Variants in RCAN2 observed in about 807,000 individuals in gnomAD.
The protein encoded by RCAN2 is regulator of calcineurin 2, also known as calcipressin-2.
A neutral mutation model predicts 23.6 loss-of-function variants in RCAN2; 9 were observed. The observed-to-expected ratio is 0.38, with a 90% CI of 0.23 to 0.67. The LOEUF is 0.67. Ranked by LOEUF, RCAN2 falls within the 30% of genes least tolerant of loss-of-function variation. The probability of loss-of-function intolerance (pLI) is 0.51; values close to 1 mark genes in which losing one functional copy is unlikely to be tolerated. For missense variants in RCAN2, 273 were observed against 302.3 expected, an observed-to-expected ratio of 0.90 and a Z score of 0.72; for synonymous variants, 109 against 115.7, an observed-to-expected ratio of 0.94 and a Z score of 0.37.
At chr6:46,272,482 T>C (rs1026054772) in intron 2 of RCAN2, among the ~76,000 whole-genome samples, 12 of 152,322 alleles carry the variant, frequency 7.9e-5, no homozygotes, top group Middle Eastern at 3.4e-3. Flanking sequence ...GACTTAATCC[T>C]GTTAGGTGGT....
intron 2 of RCAN2, among the ~76,000 whole-genome samples, chr6:46,312,367 C>T (rs1274324405): frequency 6.6e-6 from 1 of 152,158 alleles, no homozygotes; most frequent in African/African-American, 2.4e-5. Context: ...CATTTAACAT[C>T]ACTGAATTTC....
intron 2 of RCAN2, among the ~76,000 whole-genome samples, chr6:46,347,415 G>A (rs1561869071): frequency 1.3e-5 from 2 of 152,036 alleles, no homozygotes; most frequent in Non-Finnish European, 2.9e-5. Flanking sequence ...CTTTACATTA[G>A]GACACAATGT....
intron 2 of RCAN2, among the ~76,000 whole-genome samples, chr6:46,312,270 A>C (rs1279412122): frequency 6.6e-6 from 1 of 152,148 alleles, no homozygotes; most frequent in Non-Finnish European, 1.5e-5. Context: ...GCCCCTATGA[A>C]AATATTTTAG....
chr6:46,331,360 GTT>G (rs1486066880), intron 2 of RCAN2, among the ~76,000 whole-genome samples: 1 of 151,922 alleles, frequency 6.6e-6, no homozygotes, highest in Non-Finnish European at 1.5e-5. Flanking sequence ...ATCACTGAGG[GTT>G]TTTTCATTTT....
chr6:46,335,806 T>A (rs1764121999), intron 2 of RCAN2, among the ~76,000 whole-genome samples: 1 of 152,234 alleles, frequency 6.6e-6, no homozygotes, highest in Non-Finnish European at 1.5e-5. Context: ...TAGAATGTCA[T>A]ATTTATTAAC....
chr6:46,440,005 A>G (rs566018859), intron 2 of RCAN2, among the ~76,000 whole-genome samples: 7 of 152,332 alleles, frequency 4.6e-5, no homozygotes, highest in East Asian at 1.9e-4. Context: ...TTGACGGAAC[A>G]TAATATCAAC....
chr6:46,469,012 T>A (rs1259718026), intron 1 of RCAN2, among the ~76,000 whole-genome samples: 1 of 152,244 alleles, frequency 6.6e-6, no homozygotes, highest in Non-Finnish European at 1.5e-5. Flanking sequence ...TATATCCATT[T>A]ATTGAAGACG....
chr6:46,411,242 T>C (rs550035887), intron 2 of RCAN2, among the ~76,000 whole-genome samples: 9 of 152,256 alleles, frequency 5.9e-5, no homozygotes, highest in African/African-American at 1.9e-4. Context: ...CTGAAGACAT[T>C]ATGCTAAGTG....
intron 2 of RCAN2, among the ~76,000 whole-genome samples, chr6:46,425,188 T>C (rs1767000116): frequency 6.6e-6 from 1 of 152,190 alleles, no homozygotes; most frequent in African/African-American, 2.4e-5. Flanking sequence ...CTTTTAAAAA[T>C]TATTGAGGAC....
At chr6:46,245,439 A>G (rs1286817163) in intron 4 of RCAN2, among the ~76,000 whole-genome samples, 1 of 152,154 alleles carries the variant, frequency 6.6e-6, no homozygotes. Flanking sequence ...TTCTGATTTT[A>G]GCAGTGAAGG....
chr6:46,437,811 A>G (rs1283443726), intron 2 of RCAN2, among the ~76,000 whole-genome samples: 2 of 152,188 alleles, frequency 1.3e-5, no homozygotes, highest in Non-Finnish European at 2.9e-5. Context: ...CAAAAAAAGC[A>G]TGGAGCTGCC....
In RCAN2 at chr6:46,259,598, C is replaced by A. The variant is rs1018233323; in HGVS notation, c.226-10702G>T. Among the ~76,000 whole-genome samples the A allele has an allele frequency of 1.2e-4, 19 of 152,198 alleles. 1 individual carries two copies. The highest frequency in any genetic ancestry group is 9.8e-4 in the Admixed American group (15 of 15,284). On this transcript the variant is annotated intron_variant, in intron 2 of 4. Coordinates refer to ENST00000371374, the MANE Select transcript of RCAN2 (RefSeq NM_001251974.2). ...AGTTTTTCTCACAGCAAGCAATTCT[C>A]CAGTTCTCTGTAGACACCCACTGGA...
At chr6:46,263,732 T>TAAAA (rs55819293) in intron 2 of RCAN2, among the ~76,000 whole-genome samples, 51 of 145,518 alleles carry the variant, frequency 3.5e-4, no homozygotes, top group Admixed American at 1.3e-3. Flanking sequence ...ATGTTGTTTC[T>TAAAA]AAAAAAAAAA....
chr6:46,225,578 C>T (rs1308644833), intron 4 of RCAN2, among the ~76,000 whole-genome samples: 1 of 152,296 alleles, frequency 6.6e-6, no homozygotes, highest in Non-Finnish European at 1.5e-5. Context: ...GCATAAATGT[C>T]ATCTTTTGAG....
At chr6:46,322,289 C>T (rs1487515469) in intron 2 of RCAN2, among the ~76,000 whole-genome samples, 2 of 152,198 alleles carry the variant, frequency 1.3e-5, no homozygotes, top group African/African-American at 4.8e-5. Flanking sequence ...ATTGAGGGCT[C>T]TCAACTTCTA....
In RCAN2 at chr6:46,378,372, C is replaced by G. The variant is rs915135431; in HGVS notation, c.225+78380G>C. 2.6e-5 allele frequency among the ~76,000 whole-genome samples: 4 copies of G among 152,260 alleles called. No homozygotes were observed. In the South Asian group the frequency reaches 8.3e-4, roughly 32 times the overall value. On this transcript the variant is annotated intron_variant, in intron 2 of 4. Transcript: ENST00000371374. ...TTAGCAAAGCTTATGAATACCTGGT[C>G]CAATGTCTAAATCACTCAAAAGATG...
intron 2 of RCAN2, among the ~76,000 whole-genome samples, chr6:46,272,598 T>C (rs912886545): frequency 1.3e-5 from 2 of 152,206 alleles, no homozygotes; most frequent in Non-Finnish European, 2.9e-5. Flanking sequence ...AACAAAACAA[T>C]TGGAAAAAGA....
intron 2 of RCAN2, among the ~76,000 whole-genome samples, chr6:46,412,936 G>A (rs1387024589): frequency 6.6e-6 from 1 of 152,182 alleles, no homozygotes; most frequent in South Asian, 2.1e-4. Flanking sequence ...AATTCACTTA[G>A]AGCCATGTGA....
intron 2 of RCAN2, among the ~76,000 whole-genome samples, chr6:46,267,211 A>G (rs1339185466): frequency 6.6e-6 from 1 of 152,220 alleles, no homozygotes; most frequent in Non-Finnish European, 1.5e-5. Context: ...ATGATATTGT[A>G]ACTCGAAAGG....
Sources: allele counts gnomAD v4.1 joint callset (sites outside exome capture counted in the v4.1 genomes callset), GRCh38; gene constraint gnomAD v4.1.1; transcripts MANE v1.5; gene names NCBI Gene and HGNC (gene_info 2026-07-23, HGNC 2026-07-21).